The following MBNL2 variants were observed in gnomAD, a reference collection of about 807,000 sequenced individuals.
MBNL2 encodes muscleblind-like protein 2.
In MBNL2, 17 loss-of-function variants were observed where a neutral mutation model predicts 41.9. The ratio of observed to expected loss-of-function variants is 0.41; its 90% CI spans 0.28 to 0.61. The LOEUF (loss-of-function observed/expected upper bound fraction) is 0.61, where lower values mean the gene tolerates loss of function less well. MBNL2 is among the 20% of genes least tolerant of loss of function. MBNL2 has a pLI of 0.35. For synonymous variants in MBNL2, 195 were observed against 182.9 expected (o/e 1.07, Z -0.53); for missense variants, 336 against 505.6 (o/e 0.66, Z 3.22).
At chr13:97,329,699 C>T (rs1396259095) in intron 2 of MBNL2, among the ~76,000 whole-genome samples, 2 of 230 alleles carry the variant, frequency 8.7e-3, no homozygotes, top group African/African-American at 0.019. Context: ...ACAATACACA[C>T]ACATGCAGCA....
intron 1 of MBNL2, among the ~76,000 whole-genome samples, chr13:97,242,433 C>G (rs1255272757): frequency 1.3e-5 from 2 of 152,188 alleles, no homozygotes; most frequent in African/African-American, 4.8e-5. Flanking sequence ...GTCCCTGGAT[C>G]TGCTCAGAGG....
rs183989282 is a variant in MBNL2, at chr13:97,240,353, G to C, written c.-605+17822G>C. Reference sequence around the variant, plus strand: ...TCTCAGTTTTCTTATCTTTAAAATGGGAGTAATAATTCCCACTTCTTTGGG... The same window carrying C: ...TCTCAGTTTTCTTATCTTTAAAATGCGAGTAATAATTCCCACTTCTTTGGG... On this transcript the variant is annotated intron_variant, in intron 1 of 8. Coordinates refer to ENST00000679496, the MANE Select transcript of MBNL2 (RefSeq NM_001382683.1). Among the ~76,000 whole-genome samples the C allele has an allele frequency of 6.5e-4, 99 of 152,286 alleles. 1 individual carries two copies. Among genetic ancestry groups the C allele is most frequent in the African/African-American group, 2.1e-3 (89 of 41,554 alleles).
At chr13:97,262,976 G>A (rs2048935298) in intron 1 of MBNL2, among the ~76,000 whole-genome samples, 2 of 151,964 alleles carry the variant, frequency 1.3e-5, no homozygotes, top group Admixed American at 1.3e-4. Context: ...TTTTGGTAGA[G>A]TAGTTTCACC....
the MBNL2 span, among the ~76,000 whole-genome samples, chr13:97,152,478 GCC>G: frequency 6.6e-6 from 1 of 152,004 alleles, no homozygotes; most frequent in African/African-American, 2.4e-5. Flanking sequence ...AAAGGCCCAA[GCC>G]CCAAGCACAT....
intron 7 of MBNL2, chr13:97,363,079 T>C (rs899194509): frequency 1.3e-5 from 2 of 152,222 alleles, no homozygotes; most frequent in Non-Finnish European, 2.9e-5. Context: ...ATCTGGCGCC[T>C]TCAGGGTAGT....
At chr13:97,169,654 T>C in the MBNL2 span, among the ~76,000 whole-genome samples, 1 of 152,294 alleles carries the variant, frequency 6.6e-6, no homozygotes, top group African/African-American at 2.4e-5. Context: ...TCTTCCTCCT[T>C]CCCAGGGCTT....
chr13:97,374,754 G>A (rs1594285942), intron 8 of MBNL2, among the ~76,000 whole-genome samples: 1 of 152,050 alleles, frequency 6.6e-6, no homozygotes, highest in East Asian at 1.9e-4. Context: ...ATTCCCAGTC[G>A]TATTTTGGCT....
chr13:97,256,233 A>G (rs1283510698), intron 1 of MBNL2, among the ~76,000 whole-genome samples: 2 of 152,302 alleles, frequency 1.3e-5, no homozygotes, highest in East Asian at 3.9e-4. Context: ...TAGAGAAACT[A>G]AGGTGACCTT....
chr13:97,290,582 A>G (rs1220720648), intron 2 of MBNL2, among the ~76,000 whole-genome samples: 1 of 151,788 alleles, frequency 6.6e-6, no homozygotes. Context: ...AGGCTGAGGC[A>G]GGAGAACGGC....
chr13:97,313,509 G>T (rs1002232440), intron 2 of MBNL2, among the ~76,000 whole-genome samples: 1 of 151,910 alleles, frequency 6.6e-6, no homozygotes, highest in Non-Finnish European at 1.5e-5. Context: ...GACATTGTGA[G>T]ATTAAATGGG....
chr13:97,311,262 T>A (rs1477416320), intron 2 of MBNL2, among the ~76,000 whole-genome samples: 1 of 152,194 alleles, frequency 6.6e-6, no homozygotes, highest in East Asian at 1.9e-4. Flanking sequence ...AACAGTGAGG[T>A]TCTCCAGCAG....
rs184008139 is a variant in MBNL2 at position 97,301,814 on chromosome 13, A to G, written c.174+25405A>G. 2.0e-4 allele frequency among the ~76,000 whole-genome samples: 31 copies of G among 152,346 alleles called. No individual in the cohort carries two copies. The East Asian group carries it at 4.8e-3, about 24-fold the overall frequency. On this transcript the variant is annotated intron_variant, in intron 2 of 8. Transcript: ENST00000679496. ...GTTCGTCAACAGCAAATGCTGACCA[A>G]GAGTCCTACAACCTTCCTGTTTCGT... is the stretch of plus-strand genomic sequence containing the variant.
chr13:97,196,207 T>A, the MBNL2 span, among the ~76,000 whole-genome samples: 1 of 152,170 alleles, frequency 6.6e-6, no homozygotes. Context: ...TGGATCCAAC[T>A]GATATAGGAA....
chr13:97,322,539 C>A (rs1227360807), intron 2 of MBNL2, among the ~76,000 whole-genome samples: 2 of 152,108 alleles, frequency 1.3e-5, no homozygotes, highest in African/African-American at 4.8e-5. Context: ...TTCCATTAAC[C>A]ATGGGTTTAT....
intron 2 of MBNL2, among the ~76,000 whole-genome samples, chr13:97,327,734 T>C (rs1398219697): frequency 6.6e-6 from 1 of 152,084 alleles, no homozygotes; most frequent in Non-Finnish European, 1.5e-5. Context: ...AAAACAGATC[T>C]GAGGCTGTTT....
At chr13:97,374,063 A>ATTTTGTTTTTTTTTTT (rs2064690563) in intron 8 of MBNL2, among the ~76,000 whole-genome samples, 4 of 63,128 alleles carry the variant, frequency 6.3e-5, no homozygotes, top group Non-Finnish European at 9.2e-5. Flanking sequence ...CCTCCTTTGC[A>ATTTTGTTTTTTTTTTT]TTTTTTTTTT....
At chr13:97,167,726 C>T in the MBNL2 span, among the ~76,000 whole-genome samples, 4 of 152,130 alleles carry the variant, frequency 2.6e-5, no homozygotes, top group Non-Finnish European at 5.9e-5. Context: ...GAAGTAATGA[C>T]ATTCCTGTCT....
chr13:97,296,370 C>T (rs2057011947), intron 2 of MBNL2, among the ~76,000 whole-genome samples: 1 of 152,078 alleles, frequency 6.6e-6, no homozygotes, highest in African/African-American at 2.4e-5. Flanking sequence ...TACTTATTAA[C>T]CTTTAAATCA....
At chr13:97,369,102 A>G (rs2064130415) in intron 8 of MBNL2, among the ~76,000 whole-genome samples, 2 of 152,210 alleles carry the variant, frequency 1.3e-5, no homozygotes, top group Admixed American at 6.5e-5. Flanking sequence ...CAGATATGAT[A>G]TTCTTTATGT....
Sources: gnomAD v4.1 joint callset for allele counts (sites outside exome capture counted in the v4.1 genomes callset) on GRCh38, gnomAD v4.1.1 for gene constraint, MANE v1.5 for transcripts, NCBI Gene and HGNC (gene_info 2026-07-23, HGNC 2026-07-21) for gene names.